Variants in ZNF587 observed in about 807,000 individuals in gnomAD.
The protein encoded by ZNF587 is zinc finger protein zfp6.
Under a neutral mutation model 7.5 loss-of-function variants are expected in ZNF587, and 8 were observed. The observed-to-expected ratio is 1.06, with a 90% CI of 0.62 to 1.92. ZNF587 has a LOEUF of 1.92. Among genes scored for constraint, ZNF587 ranks in the 40% most tolerant of loss-of-function variants. The pLI is 0.00. For missense variants in ZNF587, 468 were observed against 692.8 expected, an observed-to-expected ratio of 0.68 and a Z score of 3.64; for synonymous variants, 145 against 237.8, an observed-to-expected ratio of 0.61 and a Z score of 3.59.
At chr19:57,854,973 G>A (rs372713578) in intron 1 of ZNF587, among the ~76,000 whole-genome samples, 2 of 150,580 alleles carry the variant, frequency 1.3e-5, no homozygotes, top group Admixed American at 1.3e-4. Context: ...TATGGAGATC[G>A]AGACCATCCT....
rs367759882 is a variant in ZNF587, at chr19:57,859,526, C to A, written c.1114C>A (p.Arg372Ser). The change falls in exon 3 of 3, where the codon CGT becomes AGT. Residue 372 changes from arginine to serine, a missense_variant. Physicochemically the swap from Arg to Ser is moderately radical, Grantham distance 110. Around this residue, in one of 5 missense-constraint regions of ZNF587, gnomAD observed 310 missense variants for 325.6 expected, o/e 0.95. Transcript: ENST00000339656. Reference protein sequence around the residue: ...RQKFCFINHQRVHTGERPYKC... With the variant: ...RQKFCFINHQSVHTGERPYKC... ...GAAGTTCTGCTTTATTAACCATCAG[C>A]GTGTTCACACTGGAGAAAGGCCTTA... 6.2e-7 allele frequency: 1 copy of A among 1,613,614 alleles called. No individual in the cohort carries two copies. Among genetic ancestry groups the A allele is most frequent in the African/African-American group, 1.3e-5 (1 of 74,722 alleles).
At chr19:57,855,557 C>CTT (rs1025898932) in intron 1 of ZNF587, among the ~76,000 whole-genome samples, 11 of 144,842 alleles carry the variant, frequency 7.6e-5, no homozygotes, top group African/African-American at 1.8e-4. Flanking sequence ...GGGGTGTGGG[C>CTT]TTTTTTTGTT....
At chr19:57,857,219 A>C (rs574694012) in intron 2 of ZNF587, 1 of 151,958 alleles carries the variant, frequency 6.6e-6, no homozygotes, top group Non-Finnish European at 1.5e-5. Context: ...CAGGAGTGCC[A>C]TGCTGGGGGA....
intron 2 of ZNF587, chr19:57,857,066 G>C (rs916490401): frequency 5.3e-5 from 8 of 152,012 alleles, no homozygotes; most frequent in Non-Finnish European, 7.3e-5. Flanking sequence ...AGCTAGTGTT[G>C]GCTGTTCATC....
At position 57,859,420 on chromosome 19, in the gene ZNF587, G is replaced by T; in HGVS notation, c.1008G>T (p.Lys336Asn). ...AATGTGGGAAATCTTTTGGTCAAAA[G>T]GGTAACCTCATTCAACATCAGCAAG... ...CRECGKSFGQ[K>N]GNLIQHQQGH... is the part of the protein sequence containing the mutation. Residue 336 changes from lysine (K) to asparagine (N), a missense_variant, in exon 3 of 3, where the codon AAG (lysine) becomes AAT (asparagine). Lys to Asn is a moderately conservative substitution (Grantham distance 94). Around this residue, in one of 5 missense-constraint regions of ZNF587, gnomAD observed 310 missense variants for 325.6 expected, o/e 0.95. Transcript: ENST00000339656. 1 of 1,610,698 alleles carries T rather than the reference G, an allele frequency of 6.2e-7. No individual in the cohort carries two copies. The highest frequency in any genetic ancestry group is 8.5e-7 in the Non-Finnish European group (1 of 1,179,944).
rs1454193775 is a variant in ZNF587 at position 57,861,674 on chromosome 19, T to C, written c.*1534T>C. 6.6e-6 allele frequency: 1 copy of C among 152,158 alleles called. No homozygotes were observed. Among genetic ancestry groups the C allele is most frequent in the Non-Finnish European group, 1.5e-5 (1 of 68,040 alleles). The allele number at this position is 152,158 out of a possible 1,614,324, so 9.4% of individuals were successfully genotyped here. On this transcript the variant is annotated 3_prime_UTR_variant, in exon 3 of 3. Transcript: ENST00000339656. ...AAAATGAATTTTATCTATTTCCCAT[T>C]TCATTAATATATTTAAAAATAATGA...
chr19:57,850,228 G>A (rs892463476), intron 1 of ZNF587, 157 bp downstream of exon 1: 64 of 1,382,810 alleles, frequency 4.6e-5, no homozygotes, highest in South Asian at 2.5e-5. Context: ...CGTCCAGTGG[G>A]TTCACGTTGC....
chr19:57,858,371 C>A, intron 2 of ZNF587: 9 of 1,012,870 alleles, frequency 8.9e-6, no homozygotes, highest in Non-Finnish European at 1.3e-5. Flanking sequence ...AGGTGATCCA[C>A]CCGCCTCAGC....
Position 57,859,678 on chromosome 19 carries a change from C to G in ZNF587, c.1266C>G (p.His422Gln). 6.2e-7 allele frequency: 1 copy of G among 1,613,680 alleles called. No homozygotes were observed. Among genetic ancestry groups the G allele is most frequent in the Non-Finnish European group, 8.5e-7 (1 of 1,179,960 alleles). The stretch of plus-strand genomic sequence containing the variant: ...GGAAATCATTTAGGTACAGATCCCA[C>G]CTCACTGAACACCAGAGACTTCACA... ...ECGKSFRYRS[H>Q]LTEHQRLHTG... The change falls in exon 3 of 3, where the codon CAC (histidine) becomes CAG (glutamine). Residue 422 changes from histidine to glutamine, a missense_variant. By Grantham distance (24) the His-to-Gln change is conservative. Around this residue, in one of 5 missense-constraint regions of ZNF587, gnomAD observed 310 missense variants for 325.6 expected, o/e 0.95. Transcript: ENST00000339656.
rs1466646797 is a variant in ZNF587, at chr19:57,864,972, A to G, written c.*4832A>G. ...TTATTTTCTCCATAAACTACAGTTT[A>G]TATAAGCAAAAGTTTCAGTACTAAG... On this transcript the variant is annotated 3_prime_UTR_variant, in exon 3 of 3. Coordinates refer to ENST00000339656, the MANE Select transcript of ZNF587 (RefSeq NM_032828.4). 4 of 152,230 alleles carry G rather than the reference A, an allele frequency of 2.6e-5. No individual in the cohort carries two copies. The highest frequency in any genetic ancestry group is 9.6e-5 in the African/African-American group (4 of 41,460). 9.4% of individuals were successfully genotyped at this position (152,230 alleles called of 1,614,324 possible).
At chr19:57,855,119 G>T (rs2071335223) in intron 1 of ZNF587, among the ~76,000 whole-genome samples, 1 of 152,026 alleles carries the variant, frequency 6.6e-6, no homozygotes, top group Non-Finnish European at 1.5e-5. Flanking sequence ...GGGAGGCAGA[G>T]CTTGCACTGA....
At chr19:57,856,409 G>GTTT (rs113480202) in intron 2 of ZNF587, among the ~76,000 whole-genome samples, 176 bp downstream of exon 2, 1 of 141,406 alleles carries the variant, frequency 7.1e-6, no homozygotes. Context: ...TTCCTCTCCT[G>GTTT]TTTTTTTTTT....
intron 2 of ZNF587, among the ~76,000 whole-genome samples, chr19:57,856,468 C>T (rs1186211363): frequency 3.3e-5 from 5 of 150,954 alleles, no homozygotes; most frequent in South Asian, 2.1e-4. Flanking sequence ...AGTACAGCGG[C>T]GCCATCTCGG....
chr19:57,856,422 T>C (rs1248296730), intron 2 of ZNF587, among the ~76,000 whole-genome samples, 189 bp downstream of exon 2: 1 of 151,528 alleles, frequency 6.6e-6, no homozygotes, highest in Non-Finnish European at 1.5e-5. Context: ...TTTTTTTTTT[T>C]TCTGAGACAG....
At chr19:57,851,065 G>A (rs2071275066) in intron 1 of ZNF587, 1 of 152,258 alleles carries the variant, frequency 6.6e-6, no homozygotes, top group South Asian at 2.1e-4. Context: ...ATAAAGACAT[G>A]AAGGCAATAA....
chr19:57,862,619 T>TC lies in ZNF587; in HGVS notation c.*2483dup, dbSNP rs2071447605. On this transcript the variant is annotated 3_prime_UTR_variant, in exon 3 of 3. Transcript: ENST00000339656. ...TTTTTTCAGGGGTCACATGCCCATT[T>TC]CCCCACTTGCATGAATGTCGACACT... 6.5e-6 allele frequency: 1 copy of TC among 154,804 alleles called. No homozygotes were observed. Among genetic ancestry groups the TC allele is most frequent in the Non-Finnish European group, 1.5e-5 (1 of 68,234 alleles). 9.6% of individuals were successfully genotyped at this position (154,804 alleles called of 1,614,324 possible).
intron 1 of ZNF587, among the ~76,000 whole-genome samples, chr19:57,855,449 T>A (rs1168552891): frequency 6.6e-6 from 1 of 152,046 alleles, no homozygotes; most frequent in African/African-American, 2.4e-5. Flanking sequence ...GTCTGTACAG[T>A]ATAAAGAATG....
rs550108337 is a variant in ZNF587 at position 57,854,561 on chromosome 19, GCT to G, written c.34-1538_34-1537del. ...TGAGTACAAATCTCATTCCCACTCTGCTCTCTTGAATAATGTATCCTAGCCTA... is the reference window on the plus strand; with the variant it reads ...TGAGTACAAATCTCATTCCCACTCTGCTCTTGAATAATGTATCCTAGCCTA... On this transcript the variant is annotated intron_variant, in intron 1 of 2. Transcript: ENST00000339656. Among the ~76,000 whole-genome samples the G allele has an allele frequency of 6.3e-3, 948 of 151,452 alleles. 5 individuals carry two copies. The highest frequency in any genetic ancestry group is 9.8e-3 in the Non-Finnish European group (668 of 67,898).
Position 57,860,723 on chromosome 19 carries a change from A to C in ZNF587, c.*583A>C, listed in dbSNP as rs1157977176. 1 of 154,808 alleles carries C rather than the reference A, an allele frequency of 6.5e-6. No homozygotes were observed. Among genetic ancestry groups the C allele is most frequent in the African/African-American group, 2.4e-5 (1 of 41,426 alleles). The allele number at this position is 154,808 out of a possible 1,614,324, so 9.6% of individuals were successfully genotyped here. ...CATAGCCAGACCTCCTCTCTACAAA[A>C]AGAAAAAAGAATGACATGCTTCTTG... is the stretch of plus-strand genomic sequence containing the variant. On this transcript the variant is annotated 3_prime_UTR_variant, in exon 3 of 3. Transcript: ENST00000339656.
Sources: allele counts gnomAD v4.1 joint callset (sites outside exome capture counted in the v4.1 genomes callset), GRCh38; gene constraint gnomAD v4.1.1; regional missense constraint gnomAD v4.1.1; transcripts MANE v1.5; gene names NCBI Gene and HGNC (gene_info 2026-07-23, HGNC 2026-07-21).